The following IQCM variants were observed in gnomAD, a reference collection of about 807,000 sequenced individuals.
IQCM encodes the protein IQ domain-containing protein M.
A neutral mutation model predicts 57.6 loss-of-function variants in IQCM; 45 were observed. The observed-to-expected ratio is 0.78, with a 90% CI of 0.62 to 1.00. The LOEUF is 1.00. Among genes scored for constraint, IQCM ranks in the 50% least tolerant of loss-of-function variants. IQCM has a pLI of 0.00. For synonymous variants in IQCM, 148 were observed against 158.9 expected (o/e 0.93, Z 0.51); for missense variants, 468 against 511.6 (o/e 0.91, Z 0.82).
chr4:149,440,764 AT>A (rs1357317391), intron 12 of IQCM, among the ~76,000 whole-genome samples: 2 of 152,032 alleles, frequency 1.3e-5, no homozygotes, highest in Non-Finnish European at 2.9e-5. Context: ...TTATGTATTA[AT>A]TTTTAAAAAT....
intron 13 of IQCM, among the ~76,000 whole-genome samples, chr4:149,365,779 A>G (rs111273904): frequency 1.1e-4 from 16 of 152,286 alleles, no homozygotes; most frequent in African/African-American, 3.1e-4. Context: ...AAAATACCCA[A>G]TCGGTAATCC....
chr4:149,485,598 G>A (rs998324647), intron 12 of IQCM, among the ~76,000 whole-genome samples: 6 of 151,960 alleles, frequency 3.9e-5, no homozygotes, highest in African/African-American at 1.4e-4. Context: ...TTATCTGACA[G>A]AATTCTGAAT....
intron 8 of IQCM, among the ~76,000 whole-genome samples, chr4:149,616,724 T>G (rs1389405007): frequency 6.6e-6 from 1 of 151,940 alleles, no homozygotes; most frequent in Non-Finnish European, 1.5e-5. Context: ...ACACAGGGCA[T>G]GTTGGGCGGC....
At chr4:149,404,939 T>C (rs975008001) in intron 13 of IQCM, among the ~76,000 whole-genome samples, 1 of 152,030 alleles carries the variant, frequency 6.6e-6, no homozygotes, top group Non-Finnish European at 1.5e-5. Flanking sequence ...GCAAGCATAA[T>C]TTTAAAGATC....
chr4:149,655,547 G>T (rs1759564448), intron 7 of IQCM, among the ~76,000 whole-genome samples: 1 of 152,010 alleles, frequency 6.6e-6, no homozygotes, highest in Non-Finnish European at 1.5e-5. Context: ...GTGAACAGTG[G>T]GGAATCATAC....
At chr4:149,785,122 G>T (rs144407936) in intron 2 of IQCM, among the ~76,000 whole-genome samples, 3 of 152,114 alleles carry the variant, frequency 2.0e-5, no homozygotes, top group Non-Finnish European at 4.4e-5. Context: ...GATTCCTTAC[G>T]ATCTAGGCAG....
At chr4:149,769,243 T>A (rs532197637) in intron 2 of IQCM, among the ~76,000 whole-genome samples, 48 of 152,046 alleles carry the variant, frequency 3.2e-4, no homozygotes, top group African/African-American at 1.1e-3. Flanking sequence ...TGAATTCAAG[T>A]CCTCCTGAAC....
rs553929025 is a variant in IQCM, at chr4:149,723,549, T to A, written c.385+9695A>T. 1.1e-4 allele frequency among the ~76,000 whole-genome samples: 17 copies of A among 152,200 alleles called. No homozygotes were observed. In the South Asian group the frequency reaches 3.1e-3, roughly 28 times the overall value. On this transcript the variant is annotated intron_variant, in intron 5 of 13. Coordinates refer to ENST00000636793, the MANE Select transcript of IQCM (RefSeq NM_001363507.2). Reference sequence around the variant, plus strand: ...TTCAGCATCTATTGAGATAATCATATGGTTTTTGTTTTTAAGTCTGTTTAT... The same window carrying A: ...TTCAGCATCTATTGAGATAATCATAAGGTTTTTGTTTTTAAGTCTGTTTAT...
chr4:149,731,665 T>C (rs1165980140), intron 5 of IQCM, among the ~76,000 whole-genome samples: 1 of 152,096 alleles, frequency 6.6e-6, no homozygotes, highest in Non-Finnish European at 1.5e-5. Flanking sequence ...TCTGAATTTA[T>C]CAAAATGTAT....
intron 5 of IQCM, among the ~76,000 whole-genome samples, chr4:149,710,042 A>T (rs1399965910): frequency 2.0e-5 from 3 of 152,162 alleles, no homozygotes; most frequent in Non-Finnish European, 4.4e-5. Flanking sequence ...AATGATCCAA[A>T]TTTAATGTCT....
intron 12 of IQCM, among the ~76,000 whole-genome samples, chr4:149,449,200 G>A (rs1736825741): frequency 8.3e-6 from 1 of 120,512 alleles, no homozygotes; most frequent in East Asian, 2.3e-4. Flanking sequence ...CCCACCACAA[G>A]GACACCAATT....
At chr4:149,466,145 A>G (rs1027508214) in intron 12 of IQCM, among the ~76,000 whole-genome samples, 7 of 152,222 alleles carry the variant, frequency 4.6e-5, no homozygotes, top group Admixed American at 1.3e-4. Context: ...CAATGCTGAT[A>G]ATATGCACAC....
intron 8 of IQCM, among the ~76,000 whole-genome samples, chr4:149,589,388 A>G (rs557016792): frequency 6.6e-6 from 1 of 152,138 alleles, no homozygotes; most frequent in African/African-American, 2.4e-5. Flanking sequence ...TTGACAACTA[A>G]AGCCAAAAAT....
chr4:149,495,037 G>A (rs148962300), intron 12 of IQCM, among the ~76,000 whole-genome samples: 101 of 152,082 alleles, frequency 6.6e-4, no homozygotes, highest in Admixed American at 2.0e-4. Flanking sequence ...AGTTATTAGC[G>A]GAGAAAGTAA....
chr4:149,706,602 A>G (rs775888006), intron 5 of IQCM, among the ~76,000 whole-genome samples: 2 of 152,036 alleles, frequency 1.3e-5, no homozygotes, highest in Non-Finnish European at 2.9e-5. Flanking sequence ...TATCTTGTAT[A>G]TGTAAAACAG....
chr4:149,563,743 T>C lies in IQCM; in HGVS notation c.897A>G (p.Ala299=). Residue 299 remains alanine, a synonymous_variant, in exon 10 of 14, where the codon GCA becomes GCG. Transcript: ENST00000636793. ...TCCGTTCAAGCCATCCCCTGACATGTGCCTGCATGACGGTGACCATTCTAA... is the reference window on the plus strand; with the variant it reads ...TCCGTTCAAGCCATCCCCTGACATGCGCCTGCATGACGGTGACCATTCTAA... The part of the protein sequence containing the change: ...KLIRMVTVMQ[A]HVRGWLERKR... The C allele has an allele frequency of 8.1e-7, 1 of 1,232,102 alleles. No homozygotes were observed. The highest frequency in any genetic ancestry group is 1.0e-6 in the Non-Finnish European group (1 of 987,944). 76.3% of individuals were successfully genotyped at this position (1,232,102 alleles called of 1,614,324 possible).
intron 7 of IQCM, among the ~76,000 whole-genome samples, chr4:149,623,969 A>G (rs905557881): frequency 6.6e-6 from 1 of 152,220 alleles, no homozygotes; most frequent in Non-Finnish European, 1.5e-5. Context: ...AATTTGTTAA[A>G]TAACTACTCA....
intron 12 of IQCM, among the ~76,000 whole-genome samples, chr4:149,481,711 T>TTTG (rs1560896074): frequency 8.1e-4 from 111 of 137,746 alleles, no homozygotes; most frequent in African/African-American, 2.9e-3. Flanking sequence ...GTTTTTTTTT[T>TTTG]TTTTTTTTTT....
chr4:149,676,643 G>C (rs1761773398), intron 7 of IQCM, among the ~76,000 whole-genome samples: 1 of 152,026 alleles, frequency 6.6e-6, no homozygotes, highest in Admixed American at 6.6e-5. Flanking sequence ...CCTAATTAGA[G>C]TAACTTCAGT....
Sources: allele counts gnomAD v4.1 joint callset (sites outside exome capture counted in the v4.1 genomes callset), GRCh38; gene constraint gnomAD v4.1.1; transcripts MANE v1.5; gene names NCBI Gene and HGNC (gene_info 2026-07-23, HGNC 2026-07-21).